The following SLC5A12 variants were observed in gnomAD, a reference collection of about 807,000 sequenced individuals.
SLC5A12 encodes sodium-coupled monocarboxylate transporter 2.
Under a neutral mutation model 72.7 loss-of-function variants are expected in SLC5A12, and 46 were observed. The ratio of observed to expected loss-of-function variants is 0.63; its 90% CI spans 0.50 to 0.81. The LOEUF is 0.81. Ranked by LOEUF, SLC5A12 falls within the 30% of genes least tolerant of loss-of-function variation. The pLI, the probability that SLC5A12 is intolerant of heterozygous loss-of-function variation, is 0.00. For missense variants in SLC5A12, 683 were observed against 740.7 expected (o/e 0.92, Z 0.90); for synonymous variants, 275 against 264.4 (o/e 1.04, Z -0.39).
At chr11:26,675,168 A>G (rs1210639858) in intron 13 of SLC5A12, among the ~76,000 whole-genome samples, 1 of 152,186 alleles carries the variant, frequency 6.6e-6, no homozygotes, top group Non-Finnish European at 1.5e-5. Flanking sequence ...AATGAACCAC[A>G]AAATCATCAA....
Position 26,668,635 on chromosome 11 carries a change from A to G in SLC5A12, c.*2467T>C, listed in dbSNP as rs1038822953. 1.3e-5 allele frequency: 2 copies of G among 152,056 alleles called. No individual in the cohort carries two copies. Among genetic ancestry groups the G allele is most frequent in the African/African-American group, 4.8e-5 (2 of 41,424 alleles). 9.4% of individuals were successfully genotyped at this position (152,056 alleles called of 1,614,324 possible). A position where few individuals can be genotyped will look rare whatever the true frequency, so the allele number is the denominator to read the frequency against. ...ACGGTTTTCATACACTATGGAAGAC[A>G]GTTTCCTGTAGATTCCCATCTGCTC... On this transcript the variant is annotated 3_prime_UTR_variant, in exon 15 of 15. Transcript: ENST00000396005.
intron 9 of SLC5A12, chr11:26,691,726 A>G (rs545100292): frequency 5.3e-5 from 8 of 152,350 alleles, no homozygotes; most frequent in Admixed American, 2.6e-4. Context: ...TTCTATTAGT[A>G]AGTAAATACA....
intron 13 of SLC5A12, among the ~76,000 whole-genome samples, chr11:26,675,507 C>T (rs1000202236): frequency 4.6e-5 from 7 of 152,108 alleles, no homozygotes; most frequent in Middle Eastern, 3.4e-3. Context: ...AAACCAAGTT[C>T]GTCAAGAGAC....
At chr11:26,692,630 T>A in intron 8 of SLC5A12, 29 bp from the exon 9 acceptor site, 1 of 1,529,782 alleles carries the variant, frequency 6.5e-7, no homozygotes, top group Non-Finnish European at 9.1e-7. Context: ...GAGAACATGG[T>A]CTAAGCTATA....
At chr11:26,677,410 T>C (rs1854290605) in intron 13 of SLC5A12, among the ~76,000 whole-genome samples, 1 of 152,104 alleles carries the variant, frequency 6.6e-6, no homozygotes, top group Non-Finnish European at 1.5e-5. Flanking sequence ...AACTACTGGA[T>C]TTCATGTGTA....
At chr11:26,694,482 A>T (rs994767553) in intron 8 of SLC5A12, among the ~76,000 whole-genome samples, 1 of 152,136 alleles carries the variant, frequency 6.6e-6, no homozygotes, top group Non-Finnish European at 1.5e-5. Context: ...TGTGACCCTT[A>T]CTGGTGTTTG....
rs113123124 is a variant in SLC5A12, at chr11:26,721,222, G to C, written c.339+154C>G. 5.9e-3 allele frequency among the ~76,000 whole-genome samples: 905 copies of C among 152,288 alleles called. 12 individuals carry two copies. In the East Asian group the frequency reaches 0.067, roughly 11 times the overall value. ...TACAGATGGGAAAATAGATATGTCT[G>C]TCTCCAAAGCTTAGGCTTTTTACAA... On this transcript the variant is annotated intron_variant, in intron 1 of 14. Transcript: ENST00000396005.
At chr11:26,718,977 A>C (rs926073566) in intron 1 of SLC5A12, among the ~76,000 whole-genome samples, 3 of 152,184 alleles carry the variant, frequency 2.0e-5, no homozygotes, top group Non-Finnish European at 4.4e-5. Flanking sequence ...AAATTCAATG[A>C]AGTCCTTATA....
chr11:26,691,839 A>AG (rs1487498821), intron 9 of SLC5A12: 1 of 152,226 alleles, frequency 6.6e-6, no homozygotes, highest in Non-Finnish European at 1.5e-5. Flanking sequence ...TGATTAAGCA[A>AG]GGGGCAATTA....
chr11:26,703,681 A>G lies in SLC5A12; in HGVS notation c.681-10T>C, dbSNP rs1448873413. 3 of 1,613,864 alleles carry G rather than the reference A, an allele frequency of 1.9e-6. No individual in the cohort carries two copies. The Admixed American group carries it at 5.0e-5, about 27-fold the overall frequency. ...AGGATCTACATCAAAGCTATGAGAC[A>G]GAGAGAAATGAGTGAACAAAGATAT... On this transcript the variant is annotated splice_polypyrimidine_tract_variant and intron_variant, in intron 5 of 14. Coordinates refer to ENST00000396005, the MANE Select transcript of SLC5A12 (RefSeq NM_178498.4).
At chr11:26,696,704 A>T (rs1288938035) in intron 8 of SLC5A12, among the ~76,000 whole-genome samples, 1 of 152,242 alleles carries the variant, frequency 6.6e-6, no homozygotes, top group Non-Finnish European at 1.5e-5. Context: ...GTATTAAAAT[A>T]TAGGGCTATC....
intron 13 of SLC5A12, among the ~76,000 whole-genome samples, chr11:26,678,180 T>C (rs753576047): frequency 6.6e-5 from 10 of 152,142 alleles, no homozygotes; most frequent in Non-Finnish European, 1.5e-4. Context: ...CTTCATGAGA[T>C]AGTAAGATGG....
Position 26,669,215 on chromosome 11 carries a change from CTT to C in SLC5A12, c.*1885_*1886del, listed in dbSNP as rs1235127483. On this transcript the variant is annotated 3_prime_UTR_variant, in exon 15 of 15. Transcript: ENST00000396005. ...TCTTTCTTTCTTTCTTTCTTTCTTTCTTTCTCTCTCTCCCTCCCTCTTTCTTT... is the reference window on the plus strand; with the variant it reads ...TCTTTCTTTCTTTCTTTCTTTCTTTCTCTCTCTCTCCCTCCCTCTTTCTTT... 4 of 90,332 alleles carry C rather than the reference CTT, an allele frequency of 4.4e-5. No individual in the cohort carries two copies. The highest frequency in any genetic ancestry group is 9.4e-5 in the Non-Finnish European group (4 of 42,370). The allele number at this position is 90,332 out of a possible 1,614,324, so 5.6% of individuals were successfully genotyped here.
At chr11:26,718,181 G>A (rs1590744341) in intron 1 of SLC5A12, among the ~76,000 whole-genome samples, 1 of 152,182 alleles carries the variant, frequency 6.6e-6, no homozygotes, top group Admixed American at 6.5e-5. Flanking sequence ...GACAGATTAA[G>A]TGGTATAAAT....
Position 26,671,162 on chromosome 11 carries a change from T to C in SLC5A12, c.1797A>G (p.Pro599=). The C allele has an allele frequency of 1.2e-6, 2 of 1,612,930 alleles. No homozygotes were observed. The highest frequency in any genetic ancestry group is 1.7e-6 in the Non-Finnish European group (2 of 1,179,344). Residue 599 remains proline, a synonymous_variant, in exon 15 of 15, where the codon CCA becomes CCG. Transcript: ENST00000396005. ...GLRRESLVHV[P]GYDPKDKSYN... is the part of the protein sequence containing the mutation. Reference sequence around the variant, plus strand: ...AGCTTTTGTCCTTAGGATCATAGCCTGGAACATGTACCAGGCTTTCTCTTC... The same window carrying C: ...AGCTTTTGTCCTTAGGATCATAGCCCGGAACATGTACCAGGCTTTCTCTTC...
chr11:26,698,409 G>A lies in SLC5A12; in HGVS notation c.948C>T (p.Asp316=), dbSNP rs1352514527. The A allele has an allele frequency of 9.9e-6, 16 of 1,613,692 alleles. No homozygotes were observed. Among genetic ancestry groups the A allele is most frequent in the Non-Finnish European group, 1.4e-5 (16 of 1,179,832 alleles). The part of the protein sequence containing the change: ...PWTSGIISAP[D]QLMPYFVMEI... Reference sequence around the variant, plus strand: ...CTGTCCTCAAGAAAACCCATACCTGGTCTGGTGCTGAGATGATGCCAGAAG... The same window carrying A: ...CTGTCCTCAAGAAAACCCATACCTGATCTGGTGCTGAGATGATGCCAGAAG... Residue 316 remains aspartate, a synonymous_variant, in exon 7 of 15, where the codon GAC becomes GAT. Coordinates refer to ENST00000396005, the MANE Select transcript of SLC5A12 (RefSeq NM_178498.4).
chr11:26,708,715 G>A (rs1357298446), intron 4 of SLC5A12, among the ~76,000 whole-genome samples: 1 of 152,006 alleles, frequency 6.6e-6, no homozygotes, highest in Non-Finnish European at 1.5e-5. Flanking sequence ...CTCAATGAAT[G>A]TTTAACTAAA....
chr11:26,714,573 T>C (rs577537628), intron 1 of SLC5A12, among the ~76,000 whole-genome samples: 84 of 152,300 alleles, frequency 5.5e-4, no homozygotes, highest in Admixed American at 2.1e-3. Flanking sequence ...ATGTATTGAA[T>C]AAACACCATA....
At chr11:26,700,458 ACCT>A in intron 6 of SLC5A12, among the ~76,000 whole-genome samples, 1 of 152,244 alleles carries the variant, frequency 6.6e-6, no homozygotes, top group South Asian at 2.1e-4. Context: ...GCAGAAGACA[ACCT>A]CATGGAGATT....
Sources: gnomAD v4.1 joint callset for allele counts (sites outside exome capture counted in the v4.1 genomes callset) on GRCh38, gnomAD v4.1.1 for gene constraint, MANE v1.5 for transcripts, NCBI Gene and HGNC (gene_info 2026-07-23, HGNC 2026-07-21) for gene names.